The following ITGA8 variants were observed in gnomAD, a reference collection of about 807,000 sequenced individuals.
ITGA8 encodes integrin subunit alpha 8.
Under a neutral mutation model 142.3 loss-of-function variants are expected in ITGA8, and 91 were observed. The ratio of observed to expected loss-of-function variants is 0.64; its 90% CI spans 0.54 to 0.76. ITGA8 has a LOEUF of 0.76. Among genes scored for constraint, ITGA8 ranks in the 30% least tolerant of loss-of-function variants. The probability of loss-of-function intolerance (pLI) is 0.00; values close to 1 mark genes in which losing one functional copy is unlikely to be tolerated. For synonymous variants in ITGA8, 505 were observed against 485.2 expected (o/e 1.04, Z -0.54); for missense variants, 1,406 against 1,327.7 (o/e 1.06, Z -0.92).
chr10:15,572,515 A>G (rs1834204900), intron 24 of ITGA8, 146 bp from the exon 25 acceptor site: 3 of 703,060 alleles, frequency 4.3e-6, no homozygotes, highest in Non-Finnish European at 6.7e-6. Context: ...AAGAAAATTC[A>G]AAGTCGATAT....
rs4529802 is a variant in ITGA8 at position 15,638,568 on chromosome 10, A to G, written c.1399+5462T>C. Among the ~76,000 whole-genome samples, 761 of 152,316 alleles carry G rather than the reference A, an allele frequency of 5.0e-3. 6 individuals carry two copies. Among genetic ancestry groups the G allele is most frequent in the African/African-American group, 0.017 (720 of 41,562 alleles). On this transcript the variant is annotated intron_variant, in intron 13 of 29. Transcript: ENST00000378076. The stretch of plus-strand genomic sequence containing the variant: ...ATGAGGAGAAAGCGTTTATCTCAAG[A>G]ATGGGAAAACCAACCCCATCATAAC...
chr10:15,598,897 C>A (rs1233039499), intron 20 of ITGA8, among the ~76,000 whole-genome samples: 1 of 152,142 alleles, frequency 6.6e-6, no homozygotes, highest in African/African-American at 2.4e-5. Flanking sequence ...ATTCTTTCTT[C>A]TCAAAGTTAG....
intron 8 of ITGA8, among the ~76,000 whole-genome samples, chr10:15,662,763 G>T (rs989680729): frequency 3.3e-5 from 5 of 152,150 alleles, no homozygotes; most frequent in African/African-American, 1.2e-4. Flanking sequence ...GCTTAGAAAG[G>T]TTCTATCACC....
At chr10:15,600,497 G>T (rs538574260) in intron 20 of ITGA8, among the ~76,000 whole-genome samples, 1 of 152,174 alleles carries the variant, frequency 6.6e-6, no homozygotes, top group African/African-American at 2.4e-5. Context: ...AGCTCTCCGT[G>T]TCATTACAGG....
At chr10:15,662,011 T>C (rs985276791) in intron 8 of ITGA8, among the ~76,000 whole-genome samples, 4 of 152,164 alleles carry the variant, frequency 2.6e-5, no homozygotes, top group Non-Finnish European at 5.9e-5. Context: ...TTCTAGAGGA[T>C]TGGGCCATTT....
intron 29 of ITGA8, among the ~76,000 whole-genome samples, chr10:15,518,275 G>C (rs1832999451): frequency 6.6e-6 from 1 of 152,216 alleles, no homozygotes; most frequent in Non-Finnish European, 1.5e-5. Flanking sequence ...TAGAGACATT[G>C]AGTCATCTCT....
chr10:15,704,626 G>A (rs1358222526), intron 2 of ITGA8, among the ~76,000 whole-genome samples: 1 of 152,152 alleles, frequency 6.6e-6, no homozygotes, highest in African/African-American at 2.4e-5. Flanking sequence ...CTGGGGAAAT[G>A]AGAACTCTCA....
At chr10:15,584,836 C>CAAAA (rs1832794796) in intron 23 of ITGA8, among the ~76,000 whole-genome samples, 1 of 152,078 alleles carries the variant, frequency 6.6e-6, no homozygotes, top group Non-Finnish European at 1.5e-5. Flanking sequence ...TAGGCAGATT[C>CAAAA]ACCTGAGGTC....
At chr10:15,613,432 C>T (rs1833336117) in intron 15 of ITGA8, among the ~76,000 whole-genome samples, 1 of 152,094 alleles carries the variant, frequency 6.6e-6, no homozygotes, top group Non-Finnish European at 1.5e-5. Context: ...AATGGTAAGT[C>T]GATAGCCAAA....
chr10:15,689,164 T>C (rs1381960555), intron 2 of ITGA8, among the ~76,000 whole-genome samples: 2 of 151,956 alleles, frequency 1.3e-5, no homozygotes, highest in African/African-American at 2.4e-5. Context: ...AAAATCAACA[T>C]ACAAAAACCC....
intron 6 of ITGA8, among the ~76,000 whole-genome samples, chr10:15,676,215 C>T (rs888285302): frequency 6.6e-6 from 1 of 152,164 alleles, no homozygotes; most frequent in Admixed American, 6.5e-5. Context: ...CACCTAGGTA[C>T]TCCTACGTAA....
At chr10:15,557,345 A>G (rs1038112077) in intron 26 of ITGA8, among the ~76,000 whole-genome samples, 1 of 152,150 alleles carries the variant, frequency 6.6e-6, no homozygotes, top group South Asian at 2.1e-4. Flanking sequence ...GCACCACTGC[A>G]CTCCAGCCTG....
intron 11 of ITGA8, among the ~76,000 whole-genome samples, chr10:15,651,912 A>G (rs11253589): frequency 0.59 from 90,253 of 151,998 alleles, 27,612 homozygotes; most frequent in South Asian, 0.76. Flanking sequence ...TTTACATAGC[A>G]TCTAAGTAAT....
At chr10:15,562,640 T>C (rs1451450050) in intron 25 of ITGA8, among the ~76,000 whole-genome samples, 1 of 151,948 alleles carries the variant, frequency 6.6e-6, no homozygotes, top group Non-Finnish European at 1.5e-5. Context: ...GGAGATTGAA[T>C]TGGAGGAGAA....
chr10:15,712,524 C>T (rs1210471345), intron 2 of ITGA8, among the ~76,000 whole-genome samples: 1 of 152,156 alleles, frequency 6.6e-6, no homozygotes. Context: ...TCATTTTAAC[C>T]CGGGAGATGG....
intron 2 of ITGA8, among the ~76,000 whole-genome samples, chr10:15,718,010 T>C (rs950253005): frequency 2.0e-5 from 3 of 152,274 alleles, no homozygotes; most frequent in African/African-American, 7.2e-5. Flanking sequence ...ATTTGCTTTC[T>C]GATAATATAT....
At chr10:15,599,790 T>A (rs1833069440) in intron 20 of ITGA8, among the ~76,000 whole-genome samples, 1 of 152,074 alleles carries the variant, frequency 6.6e-6, no homozygotes, top group Non-Finnish European at 1.5e-5. Context: ...GCATGGTGGC[T>A]GGCGCCTGTA....
At chr10:15,616,842 G>A (rs1001435643) in intron 13 of ITGA8, among the ~76,000 whole-genome samples, 16 of 152,102 alleles carry the variant, frequency 1.1e-4, no homozygotes, top group African/African-American at 3.4e-4. Flanking sequence ...TATCCTTCAG[G>A]TTCAAGGCAT....
At chr10:15,636,282 A>T (rs1313512601) in intron 13 of ITGA8, among the ~76,000 whole-genome samples, 1 of 152,154 alleles carries the variant, frequency 6.6e-6, no homozygotes, top group Non-Finnish European at 1.5e-5. Flanking sequence ...AAATGCTTTC[A>T]CTCAATTAAT....
Sources: allele counts gnomAD v4.1 joint callset (sites outside exome capture counted in the v4.1 genomes callset), GRCh38; gene constraint gnomAD v4.1.1; transcripts MANE v1.5; gene names NCBI Gene and HGNC (gene_info 2026-07-23, HGNC 2026-07-21).